The following ADGRL2 variants were observed in gnomAD, a reference collection of about 807,000 sequenced individuals.
ADGRL2 encodes the protein calcium-independent alpha-latrotoxin receptor 2.
A neutral mutation model predicts 157.4 loss-of-function variants in ADGRL2; 44 were observed. The observed-to-expected ratio is 0.28, with a 90% CI of 0.22 to 0.36. ADGRL2 has a LOEUF of 0.36. Among genes scored for constraint, ADGRL2 ranks in the 10% least tolerant of loss-of-function variants. The pLI is 1.00. For synonymous variants in ADGRL2, 585 were observed against 624.7 expected, an observed-to-expected ratio of 0.94 and a Z score of 0.95; for missense variants, 1,510 against 1,768.9, an observed-to-expected ratio of 0.85 and a Z score of 2.63.
chr1:81,903,025 A>G (rs2094516851), intron 2 of ADGRL2, among the ~76,000 whole-genome samples: 2 of 152,234 alleles, frequency 1.3e-5, no homozygotes, highest in African/African-American at 4.8e-5. Context: ...TAGCATGTGT[A>G]CTTGATTAAA....
At chr1:81,366,295 GAA>G (rs35283896) in intron 1 of ADGRL2, among the ~76,000 whole-genome samples, 43 of 147,062 alleles carry the variant, frequency 2.9e-4, no homozygotes, top group East Asian at 1.0e-3. Context: ...TTTGGCTCCA[GAA>G]AAAAAAAAAA....
intron 3 of ADGRL2, among the ~76,000 whole-genome samples, chr1:81,915,579 T>C (rs1393540234): frequency 6.6e-6 from 1 of 152,176 alleles, no homozygotes; most frequent in East Asian, 1.9e-4. Flanking sequence ...TCTTAAGTAT[T>C]CCCTAAGGCT....
At chr1:81,803,980 T>C (rs2088726243) in intron 1 of ADGRL2, among the ~76,000 whole-genome samples, 1 of 152,184 alleles carries the variant, frequency 6.6e-6, no homozygotes, top group African/African-American at 2.4e-5. Context: ...TGTCTCTTGC[T>C]AAGTCAGGTT....
intron 3 of ADGRL2, among the ~76,000 whole-genome samples, chr1:81,637,755 C>T (rs1338253448): frequency 1.3e-5 from 2 of 152,074 alleles, no homozygotes; most frequent in East Asian, 1.9e-4. Flanking sequence ...TGTTTCAATA[C>T]ATGGAAAACT....
intron 3 of ADGRL2, among the ~76,000 whole-genome samples, chr1:81,930,060 A>C (rs1436260396): frequency 6.6e-6 from 1 of 152,192 alleles, no homozygotes; most frequent in African/African-American, 2.4e-5. Context: ...TTCTGCTTTT[A>C]AACACTAATC....
intron 2 of ADGRL2, among the ~76,000 whole-genome samples, chr1:81,527,690 G>A (rs1198444760): frequency 6.9e-6 from 1 of 145,196 alleles, no homozygotes; most frequent in African/African-American, 2.6e-5. Flanking sequence ...CCAACCTAGG[G>A]GATAGAGCAA....
intron 2 of ADGRL2, among the ~76,000 whole-genome samples, chr1:81,768,068 C>T (rs1271170649): frequency 2.6e-5 from 4 of 151,990 alleles, no homozygotes; most frequent in Non-Finnish European, 5.9e-5. Flanking sequence ...TTTTTAGAGA[C>T]AAGACCTCAC....
chr1:81,868,593 T>A (rs2150957709), intron 2 of ADGRL2, among the ~76,000 whole-genome samples: 1 of 152,164 alleles, frequency 6.6e-6, no homozygotes, highest in East Asian at 1.9e-4. Context: ...TTGCCTAGGA[T>A]CGTTGTCTCC....
chr1:81,639,665 T>C (rs2082181432), intron 3 of ADGRL2, among the ~76,000 whole-genome samples: 1 of 150,296 alleles, frequency 6.7e-6, no homozygotes, highest in Non-Finnish European at 1.5e-5. Flanking sequence ...TTATTAGAAA[T>C]AGAGGACATT....
intron 1 of ADGRL2, among the ~76,000 whole-genome samples, chr1:81,390,714 A>G (rs2076530328): frequency 6.6e-6 from 1 of 152,310 alleles, no homozygotes; most frequent in Non-Finnish European, 1.5e-5. Flanking sequence ...CTCTTAATAT[A>G]CCTTGGACAT....
chr1:81,600,334 T>A (rs2148629013), intron 3 of ADGRL2, among the ~76,000 whole-genome samples: 1 of 152,370 alleles, frequency 6.6e-6, no homozygotes, highest in Non-Finnish European at 1.5e-5. Context: ...AGAATCTCAG[T>A]GGCTCTAATC....
At chr1:81,426,492 C>A in intron 1 of ADGRL2, 1 of 395,848 alleles carries the variant, frequency 2.5e-6, no homozygotes, top group Non-Finnish European at 4.9e-6. Flanking sequence ...GCCCCAAGCC[C>A]AATTCCAGCT....
At chr1:81,633,424 T>A (rs1433292557) in intron 3 of ADGRL2, among the ~76,000 whole-genome samples, 1 of 151,482 alleles carries the variant, frequency 6.6e-6, no homozygotes, top group East Asian at 1.9e-4. Context: ...GGTGAAACCC[T>A]GTCTCCACTA....
At chr1:81,536,595 G>A (rs981191944) in intron 2 of ADGRL2, among the ~76,000 whole-genome samples, 1 of 152,112 alleles carries the variant, frequency 6.6e-6, no homozygotes. Context: ...CGGTTTCCAT[G>A]ATCTGATCTA....
intron 17 of ADGRL2, among the ~76,000 whole-genome samples, chr1:81,973,422 C>CA (rs1659324741): frequency 6.6e-6 from 1 of 152,130 alleles, no homozygotes; most frequent in Admixed American, 6.5e-5. Context: ...AGACCTTCGT[C>CA]AAACACATAA....
At chr1:81,816,781 C>T (rs957885250) in intron 1 of ADGRL2, among the ~76,000 whole-genome samples, 1 of 151,934 alleles carries the variant, frequency 6.6e-6, no homozygotes, top group African/African-American at 2.4e-5. Context: ...CCTACAAATG[C>T]TCTTTTTATG....
chr1:81,947,237 G>T (rs1245185583), intron 6 of ADGRL2, among the ~76,000 whole-genome samples: 1 of 151,980 alleles, frequency 6.6e-6, no homozygotes, highest in Non-Finnish European at 1.5e-5. Flanking sequence ...CTTGAGTTTT[G>T]AACCTTTTGC....
chr1:81,388,455 T>TC (rs1251778707), intron 1 of ADGRL2, among the ~76,000 whole-genome samples: 2 of 152,334 alleles, frequency 1.3e-5, no homozygotes, highest in Middle Eastern at 3.4e-3. Flanking sequence ...ATTTTTTCTT[T>TC]TTCTCTCTTG....
intron 3 of ADGRL2, among the ~76,000 whole-genome samples, chr1:81,591,183 C>T (rs751392328): frequency 3.3e-5 from 5 of 152,172 alleles, no homozygotes; most frequent in African/African-American, 4.8e-5. Context: ...ATGAAAGAAG[C>T]TTTCTCTTCC....
Sources: gnomAD v4.1 joint callset for allele counts (sites outside exome capture counted in the v4.1 genomes callset) on GRCh38, gnomAD v4.1.1 for gene constraint, MANE v1.5 for transcripts, NCBI Gene and HGNC (gene_info 2026-07-23, HGNC 2026-07-21) for gene names.